PRDM16: variants seen among roughly 807,000 people sequenced by gnomAD.
The protein encoded by PRDM16 is histone-lysine N-methyltransferase PRDM16.
PRDM16 carries 23 observed loss-of-function variants against 110.6 expected under a neutral mutation model. The observed-to-expected ratio is 0.21, with a 90% CI of 0.15 to 0.29. The LOEUF (loss-of-function observed/expected upper bound fraction) is 0.29. PRDM16 is among the 10% of genes least tolerant of loss of function. The pLI, the probability that PRDM16 is intolerant of heterozygous loss-of-function variation, is 1.00. For synonymous variants in PRDM16, 799 were observed against 781.8 expected (o/e 1.02, Z -0.37); for missense variants, 1,615 against 1,794.3 (o/e 0.90, Z 1.81).
At chr1:3,270,099 G>A (rs1640403719) in intron 3 of PRDM16, among the ~76,000 whole-genome samples, 1 of 151,086 alleles carries the variant, frequency 6.6e-6, no homozygotes, top group Non-Finnish European at 1.5e-5. Flanking sequence ...GACAGTCAGG[G>A]AGGATGACAG....
intron 3 of PRDM16, among the ~76,000 whole-genome samples, chr1:3,326,437 T>G (rs1641911599): frequency 1.3e-5 from 2 of 152,222 alleles, no homozygotes; most frequent in Non-Finnish European, 2.9e-5. Flanking sequence ...GGAGCATGAT[T>G]CAGCTTGCTG....
chr1:3,381,404 T>TG, intron 3 of PRDM16, among the ~76,000 whole-genome samples: 1 of 150,002 alleles, frequency 6.7e-6, no homozygotes, highest in South Asian at 2.1e-4. Context: ...TTTCTGGTTT[T>TG]TTTTTTTTTT....
intron 2 of PRDM16, among the ~76,000 whole-genome samples, chr1:3,214,925 A>G (rs1569858881): frequency 6.6e-6 from 1 of 152,080 alleles, no homozygotes; most frequent in Non-Finnish European, 1.5e-5. Flanking sequence ...CTGGTGTGAT[A>G]CCCTGGGCAT....
At chr1:3,116,525 C>T (rs551743441) in intron 1 of PRDM16, among the ~76,000 whole-genome samples, 126 of 152,256 alleles carry the variant, frequency 8.3e-4, no homozygotes, top group Middle Eastern at 3.4e-3. Context: ...CACTCGGGGA[C>T]GCGCCTGCTT....
chr1:3,191,356 G>A (rs1248587931), intron 2 of PRDM16, among the ~76,000 whole-genome samples: 1 of 152,098 alleles, frequency 6.6e-6, no homozygotes, highest in Admixed American at 6.5e-5. Flanking sequence ...AGAGGCCTTG[G>A]GCCACACCAA....
intron 16 of PRDM16, 38 bp downstream of exon 16, chr1:3,432,178 GCCT>G (rs781445245): frequency 1.3e-6 from 2 of 1,583,950 alleles, no homozygotes; most frequent in Non-Finnish European, 1.7e-6. Context: ...ACCCCACCTG[GCCT>G]CCTCAGCCAG....
chr1:3,321,924 CACAT>C (rs941948907), intron 3 of PRDM16, among the ~76,000 whole-genome samples: 2 of 150,896 alleles, frequency 1.3e-5, no homozygotes, highest in Non-Finnish European at 2.9e-5. Flanking sequence ...GTAAAGGGCA[CACAT>C]ATGCGTGTAT....
At chr1:3,242,876 C>T (rs1005994804) in intron 2 of PRDM16, among the ~76,000 whole-genome samples, 1 of 152,186 alleles carries the variant, frequency 6.6e-6, no homozygotes, top group Non-Finnish European at 1.5e-5. Flanking sequence ...ATGGAAACAA[C>T]GTTGCGGTTT....
In PRDM16 at chr1:3,158,160, G is replaced by A. The variant is rs376538314; in HGVS notation, c.38-27965G>A. 2.4e-4 allele frequency among the ~76,000 whole-genome samples: 36 copies of A among 152,202 alleles called. No individual in the cohort carries two copies. The East Asian group carries it at 2.9e-3, about 12-fold the overall frequency. On this transcript the variant is annotated intron_variant, in intron 1 of 16. Coordinates refer to ENST00000270722, the MANE Select transcript of PRDM16 (RefSeq NM_022114.4). ...CCGTTCTGTATTGGCAAACACACCC[G>A]CTTGCCACCATCCCCGTAACGGGAT...
chr1:3,348,047 G>A (rs992743838), intron 3 of PRDM16, among the ~76,000 whole-genome samples: 1 of 152,180 alleles, frequency 6.6e-6, no homozygotes, highest in African/African-American at 2.4e-5. Flanking sequence ...TGGTCAGGCT[G>A]CCCATGCCTC....
At chr1:3,397,618 A>G (rs1193862635) in intron 5 of PRDM16, among the ~76,000 whole-genome samples, 1 of 152,246 alleles carries the variant, frequency 6.6e-6, no homozygotes, top group African/African-American at 2.4e-5. Flanking sequence ...CCGCAAGTGA[A>G]CAGGAACGCA....
chr1:3,233,852 A>G (rs1042568810), intron 2 of PRDM16, among the ~76,000 whole-genome samples: 1 of 151,638 alleles, frequency 6.6e-6, no homozygotes, highest in Non-Finnish European at 1.5e-5. Context: ...ACAGCTTTTT[A>G]TATGCCAATC....
chr1:3,367,820 A>G (rs148539238), intron 3 of PRDM16, among the ~76,000 whole-genome samples: 42 of 152,296 alleles, frequency 2.8e-4, no homozygotes, highest in African/African-American at 6.5e-4. Flanking sequence ...ATTTTGTTTT[A>G]ATTAAATGGG....
chr1:3,151,944 C>T (rs1374832249), intron 1 of PRDM16, among the ~76,000 whole-genome samples: 2 of 152,218 alleles, frequency 1.3e-5, no homozygotes, highest in Admixed American at 6.5e-5. Flanking sequence ...AGACATCCCA[C>T]TCTTGGAGAG....
intron 3 of PRDM16, among the ~76,000 whole-genome samples, chr1:3,273,813 TGTAA>T (rs1234303048): frequency 7.7e-6 from 1 of 130,068 alleles, no homozygotes; most frequent in African/African-American, 3.5e-5. Context: ...TGCATAGGCA[TGTAA>T]GTGTGTGTGT....
rs201338927 is a variant in PRDM16, at chr1:3,334,401, A to AC, written c.439-50744dup. 1.7e-3 allele frequency among the ~76,000 whole-genome samples: 243 copies of AC among 142,376 alleles called. 7 individuals are homozygous for AC. The East Asian group carries it at 0.042, about 25-fold the overall frequency. 93.4% of individuals were successfully genotyped at this position (142,376 alleles called of 152,430 possible). On this transcript the variant is annotated intron_variant, in intron 3 of 16. Transcript: ENST00000270722. ...AGGCCAATGAGTATGCCCATAACCC[A>AC]CCCCCCCACATTCTCTGAAGAGAGC...
At chr1:3,169,188 G>A (rs1643996082) in intron 1 of PRDM16, among the ~76,000 whole-genome samples, 1 of 152,184 alleles carries the variant, frequency 6.6e-6, no homozygotes. Flanking sequence ...TGGAGGTATT[G>A]TGTGGATTTT....
chr1:3,129,591 G>A (rs954544263), intron 1 of PRDM16, among the ~76,000 whole-genome samples: 2 of 152,118 alleles, frequency 1.3e-5, no homozygotes, highest in African/African-American at 2.4e-5. Context: ...TGAAGCTGAG[G>A]GTCAGGACGG....
chr1:3,218,109 GAAGAAGAGTCGCCTGCACTTAC>G (rs1639073707), intron 2 of PRDM16, among the ~76,000 whole-genome samples: 1 of 152,246 alleles, frequency 6.6e-6, no homozygotes, highest in South Asian at 2.1e-4. Context: ...GTGGCCAAGT[GAAGAAGAGTCGCCTGCACTTAC>G]AAAGGGCCTC....
Sources: gnomAD v4.1 joint callset for allele counts (sites outside exome capture counted in the v4.1 genomes callset) on GRCh38, gnomAD v4.1.1 for gene constraint, MANE v1.5 for transcripts, NCBI Gene and HGNC (gene_info 2026-07-23, HGNC 2026-07-21) for gene names.